VDAC1: variants seen among roughly 807,000 people sequenced by gnomAD.
The protein encoded by VDAC1 is voltage dependent anion channel 1, also known as non-selective voltage-gated ion channel VDAC1.
Under a neutral mutation model 34.7 loss-of-function variants are expected in VDAC1, and 10 were observed. That is an observed-to-expected ratio of 0.29 (90% CI 0.18 to 0.49). The LOEUF is 0.49. Among genes scored for constraint, VDAC1 ranks in the 20% least tolerant of loss-of-function variants. VDAC1 has a pLI of 0.99. For synonymous variants in VDAC1, 130 were observed against 136.0 expected, an observed-to-expected ratio of 0.96 and a Z score of 0.30; for missense variants, 230 against 347.9, an observed-to-expected ratio of 0.66 and a Z score of 2.69.
At chr5:134,029,755 G>A in the VDAC1 span, among the ~76,000 whole-genome samples, 1 of 152,200 alleles carries the variant, frequency 6.6e-6, no homozygotes, top group African/African-American at 2.4e-5. Flanking sequence ...CAAGGGTTAG[G>A]GATGGTGGGA....
the VDAC1 span, among the ~76,000 whole-genome samples, chr5:134,020,341 G>A: frequency 4.0e-5 from 6 of 151,260 alleles, no homozygotes; most frequent in East Asian, 7.8e-4. Context: ...CGACTCCCCC[G>A]CTCACCCCTC....
the VDAC1 span, among the ~76,000 whole-genome samples, chr5:134,054,822 C>T: frequency 6.6e-6 from 1 of 152,124 alleles, no homozygotes; most frequent in South Asian, 2.1e-4. Context: ...TCCTGATTAA[C>T]CTGACGAACC....
the VDAC1 span, among the ~76,000 whole-genome samples, chr5:134,092,737 C>A: frequency 6.6e-6 from 1 of 151,764 alleles, no homozygotes; most frequent in East Asian, 1.9e-4. Context: ...GATTCTGGAA[C>A]CACTGGTGTC....
the VDAC1 span, among the ~76,000 whole-genome samples, chr5:134,039,636 G>T: frequency 6.6e-6 from 1 of 152,072 alleles, no homozygotes; most frequent in Non-Finnish European, 1.5e-5. Context: ...GCAGACGTGC[G>T]TAATTTTAAA....
At chr5:134,087,137 T>C in the VDAC1 span, among the ~76,000 whole-genome samples, 1 of 152,166 alleles carries the variant, frequency 6.6e-6, no homozygotes, top group African/African-American at 2.4e-5. Flanking sequence ...TAATTGTCTT[T>C]ACCTACGGTT....
chr5:133,984,590 AG>A (rs2126942082), intron 5 of VDAC1, among the ~76,000 whole-genome samples: 1 of 152,296 alleles, frequency 6.6e-6, no homozygotes, highest in Admixed American at 6.5e-5. Context: ...TGGCAAGAAT[AG>A]CCTAATACAG....
the VDAC1 span, among the ~76,000 whole-genome samples, chr5:134,057,203 G>T: frequency 6.6e-6 from 1 of 152,180 alleles, no homozygotes; most frequent in African/African-American, 2.4e-5. Context: ...GTGAAGGCTG[G>T]GCACGGTGGC....
chr5:134,113,435 C>T, the VDAC1 span, among the ~76,000 whole-genome samples: 1 of 152,210 alleles, frequency 6.6e-6, no homozygotes, highest in Non-Finnish European at 1.5e-5. Flanking sequence ...GGCCTGGACC[C>T]GGAGGGAGGC....
At chr5:134,002,721 T>G (rs1167453517) in intron 1 of VDAC1, among the ~76,000 whole-genome samples, 1 of 152,082 alleles carries the variant, frequency 6.6e-6, no homozygotes, top group Non-Finnish European at 1.5e-5. Context: ...TCCCAGCACT[T>G]TGGGAGGCGG....
the VDAC1 span, among the ~76,000 whole-genome samples, chr5:134,051,940 C>T: frequency 2.6e-5 from 4 of 151,994 alleles, no homozygotes; most frequent in Non-Finnish European, 5.9e-5. Context: ...TCAGGTGATC[C>T]GCCCACCTCA....
At chr5:134,091,360 T>C in the VDAC1 span, among the ~76,000 whole-genome samples, 1 of 152,186 alleles carries the variant, frequency 6.6e-6, no homozygotes, top group Non-Finnish European at 1.5e-5. Context: ...GTTTTCCCCC[T>C]AACTTGCCTA....
the VDAC1 span, among the ~76,000 whole-genome samples, chr5:134,112,663 G>GA: frequency 6.6e-5 from 10 of 151,770 alleles, no homozygotes; most frequent in Admixed American, 1.3e-4. Context: ...ATAAAGACAT[G>GA]AAAAAAAACA....
At chr5:134,001,774 T>G (rs1242020993) in intron 1 of VDAC1, among the ~76,000 whole-genome samples, 3 of 149,892 alleles carry the variant, frequency 2.0e-5, no homozygotes, top group African/African-American at 7.4e-5. Flanking sequence ...TGACTTGACC[T>G]GTATGAGACC....
intron 1 of VDAC1, among the ~76,000 whole-genome samples, chr5:133,998,096 C>A (rs1207508247): frequency 6.6e-6 from 1 of 151,162 alleles, no homozygotes; most frequent in Non-Finnish European, 1.5e-5. Flanking sequence ...AGAAAGAAAG[C>A]TAGCTAGCTA....
At chr5:134,089,504 A>G in the VDAC1 span, among the ~76,000 whole-genome samples, 3 of 152,108 alleles carry the variant, frequency 2.0e-5, no homozygotes, top group African/African-American at 7.2e-5. Flanking sequence ...GCTGTTTAGG[A>G]TATTGGAAGA....
At chr5:134,009,764 C>T (rs1753803475), upstream of VDAC1, among the ~76,000 whole-genome samples, 1 of 152,040 alleles carries the variant, frequency 6.6e-6, no homozygotes, top group Admixed American at 6.6e-5. Context: ...TCACTGCAAC[C>T]TCCACCTCCC....
chr5:134,009,278 T>A (rs1238584244), upstream of VDAC1, among the ~76,000 whole-genome samples: 4 of 138,286 alleles, frequency 2.9e-5, no homozygotes, highest in Admixed American at 3.0e-4. Context: ...TTTTTTGAGA[T>A]GGAGTCTCTC....
At chr5:134,075,585 T>C in the VDAC1 span, among the ~76,000 whole-genome samples, 1 of 152,184 alleles carries the variant, frequency 6.6e-6, no homozygotes, top group South Asian at 2.1e-4. Context: ...TTTGTTTGTT[T>C]TTTGTTTTTT....
At chr5:133,997,086 G>C (rs1455783682) in intron 1 of VDAC1, among the ~76,000 whole-genome samples, 1 of 152,138 alleles carries the variant, frequency 6.6e-6, no homozygotes, top group East Asian at 1.9e-4. Flanking sequence ...TTAACCAGCA[G>C]TCTGGCAAAA....
Sources: gnomAD v4.1 joint callset for allele counts (sites outside exome capture counted in the v4.1 genomes callset) on GRCh38, gnomAD v4.1.1 for gene constraint, MANE v1.5 for transcripts, NCBI Gene and HGNC (gene_info 2026-07-23, HGNC 2026-07-21) for gene names.